The following SESN3 variants were observed in gnomAD, a reference collection of about 807,000 sequenced individuals.
SESN3 encodes sestrin 3.
Under a neutral mutation model 55.3 loss-of-function variants are expected in SESN3, and 21 were observed. That is an observed-to-expected ratio of 0.38 (90% CI 0.27 to 0.55). The LOEUF is 0.55. Among genes scored for constraint, SESN3 ranks in the 20% least tolerant of loss-of-function variants. The pLI, the probability that SESN3 is intolerant of heterozygous loss-of-function variation, is 0.76. For missense variants in SESN3, 408 were observed against 604.3 expected (o/e 0.68, Z 3.41); for synonymous variants, 181 against 203.1 (o/e 0.89, Z 0.93).
At chr11:95,212,317 T>A (rs1860671147) in intron 1 of SESN3, among the ~76,000 whole-genome samples, 5 of 152,244 alleles carry the variant, frequency 3.3e-5, no homozygotes, top group Admixed American at 2.6e-4. Flanking sequence ...ATCTTTATAA[T>A]TATTTAGAAA....
chr11:95,231,163 C>G lies in SESN3; in HGVS notation c.-303G>C, dbSNP rs946550123. 7 of 417,580 alleles carry G rather than the reference C, an allele frequency of 1.7e-5. No individual in the cohort carries two copies. The highest frequency in any genetic ancestry group is 2.9e-5 in the Non-Finnish European group (7 of 239,196). 25.9% of individuals were successfully genotyped at this position (417,580 alleles called of 1,614,324 possible). On this transcript the variant is annotated 5_prime_UTR_variant, in exon 1 of 10. Coordinates refer to ENST00000536441, the MANE Select transcript of SESN3 (RefSeq NM_144665.4). ...CCAGGCTAGGACGAGCAGCCGCCAC[C>G]GCTGCCACCGCCACCACCGCCGCCG... is the stretch of plus-strand genomic sequence containing the variant.
intron 1 of SESN3, among the ~76,000 whole-genome samples, chr11:95,198,792 G>A (rs754719428): frequency 1.3e-5 from 2 of 152,114 alleles, no homozygotes; most frequent in African/African-American, 2.4e-5. Context: ...AGGACAATGC[G>A]AATCTAGGCT....
chr11:95,205,489 T>A (rs1481870244), intron 1 of SESN3, among the ~76,000 whole-genome samples: 1 of 152,118 alleles, frequency 6.6e-6, no homozygotes, highest in Non-Finnish European at 1.5e-5. Context: ...ACTAATGGAA[T>A]ATCAGGGTAA....
rs1254668454 is a variant in SESN3 at position 95,216,113 on chromosome 11, A to AG, written c.78+14669_78+14670insC. 3.5e-3 allele frequency among the ~76,000 whole-genome samples: 531 copies of AG among 151,154 alleles called. 10 individuals are homozygous for AG. Among genetic ancestry groups the AG allele is most frequent in the Non-Finnish European group, 8.1e-4 (55 of 67,842 alleles). The stretch of plus-strand genomic sequence containing the variant: ...ACTCCATCTCAAAAAAAAAAAAGAA[A>AG]AAAAAAAAAAAAGAAATCCTTTATC... On this transcript the variant is annotated intron_variant, in intron 1 of 9. Coordinates refer to ENST00000536441, the MANE Select transcript of SESN3 (RefSeq NM_144665.4).
At chr11:95,193,679 T>C (rs547161088) in intron 1 of SESN3, among the ~76,000 whole-genome samples, 157 bp from the exon 2 acceptor site, 1 of 152,174 alleles carries the variant, frequency 6.6e-6, no homozygotes, top group African/African-American at 2.4e-5. Context: ...AGAAAACCCA[T>C]AGGGCCACTG....
chr11:95,199,006 T>C (rs1860414428), intron 1 of SESN3, among the ~76,000 whole-genome samples: 1 of 152,116 alleles, frequency 6.6e-6, no homozygotes. Context: ...CAATTAATCT[T>C]AATAACAGAA....
rs1405000211 is a variant in SESN3, at chr11:95,166,171, C to G, written c.*7084G>C. 1 of 151,728 alleles carries G rather than the reference C, an allele frequency of 6.6e-6. No homozygotes were observed. Among genetic ancestry groups the G allele is most frequent in the Non-Finnish European group, 1.5e-5 (1 of 67,970 alleles). The allele number at this position is 151,728 out of a possible 1,614,324, so 9.4% of individuals were successfully genotyped here. A position where few individuals can be genotyped will look rare whatever the true frequency, so the allele number is the denominator to read the frequency against. ...ATTATCTATTTGATAAAAGCTTATTCTAATTTAAAACCTTATAGAGTAAGA... is the reference window on the plus strand; with the variant it reads ...ATTATCTATTTGATAAAAGCTTATTGTAATTTAAAACCTTATAGAGTAAGA... On this transcript the variant is annotated 3_prime_UTR_variant, in exon 10 of 10. Transcript: ENST00000536441.
intron 1 of SESN3, among the ~76,000 whole-genome samples, chr11:95,228,953 T>C (rs773866926): frequency 1.3e-5 from 2 of 152,230 alleles, no homozygotes; most frequent in African/African-American, 2.4e-5. Flanking sequence ...TCCATAGCCA[T>C]AGCTCTCTCA....
chr11:95,213,758 G>A (rs1231459250), intron 1 of SESN3, among the ~76,000 whole-genome samples: 3 of 152,070 alleles, frequency 2.0e-5, no homozygotes, highest in African/African-American at 4.8e-5. Context: ...TTCTTTATGA[G>A]AGTAAAATTA....
At chr11:95,195,929 T>C (rs1860352709) in intron 1 of SESN3, among the ~76,000 whole-genome samples, 1 of 152,198 alleles carries the variant, frequency 6.6e-6, no homozygotes, top group Non-Finnish European at 1.5e-5. Flanking sequence ...AGCGTTTTAT[T>C]GTATGCTTCT....
At chr11:95,197,099 T>TC (rs1860375265) in intron 1 of SESN3, among the ~76,000 whole-genome samples, 1 of 152,188 alleles carries the variant, frequency 6.6e-6, no homozygotes, top group Non-Finnish European at 1.5e-5. Flanking sequence ...TTTCCTTCCT[T>TC]CTTTCTTTCT....
At chr11:95,178,623 T>C in intron 7 of SESN3, 87 bp downstream of exon 7, 2 of 807,012 alleles carry the variant, frequency 2.5e-6, no homozygotes, top group Non-Finnish European at 4.3e-6. Context: ...TATCAAAAAT[T>C]GTTTAGTGCC....
chr11:95,181,599 A>G, intron 6 of SESN3, among the ~76,000 whole-genome samples: 1 of 152,138 alleles, frequency 6.6e-6, no homozygotes, highest in East Asian at 1.9e-4. Context: ...ATTCTGTTGC[A>G]GTAATGGAAT....
At position 95,188,354 on chromosome 11, in the gene SESN3, T is replaced by C. The variant is rs188579884; in HGVS notation, c.525+1425A>G. On this transcript the variant is annotated intron_variant, in intron 4 of 9. Transcript: ENST00000536441. ...ACACAAATACAAAAATTTAGAAGAA[T>C]GAGATGAGAATATACACACATACAC... is the stretch of plus-strand genomic sequence containing the variant. 4.6e-5 allele frequency among the ~76,000 whole-genome samples: 7 copies of C among 151,912 alleles called. No individual in the cohort carries two copies. The East Asian group carries it at 1.2e-3, about 25-fold the overall frequency.
intron 1 of SESN3, chr11:95,224,375 G>T: frequency 2.6e-6 from 1 of 379,174 alleles, no homozygotes; most frequent in Non-Finnish European, 5.1e-6. Context: ...TAAGCAAAAT[G>T]ATCCTGAAAA....
chr11:95,198,739 T>C (rs1860409268), intron 1 of SESN3, among the ~76,000 whole-genome samples: 1 of 152,198 alleles, frequency 6.6e-6, no homozygotes, highest in African/African-American at 2.4e-5. Context: ...ACTAGCCACA[T>C]GTCAAGTGTT....
intron 1 of SESN3, among the ~76,000 whole-genome samples, chr11:95,204,334 T>G (rs1860509525): frequency 1.3e-5 from 2 of 152,150 alleles, no homozygotes; most frequent in African/African-American, 4.8e-5. Context: ...TACAACAAAG[T>G]TTTTGTAATT....
At chr11:95,212,158 A>G (rs1180056679) in intron 1 of SESN3, among the ~76,000 whole-genome samples, 1 of 152,154 alleles carries the variant, frequency 6.6e-6, no homozygotes, top group African/African-American at 2.4e-5. Context: ...AAACATAAGA[A>G]CAAGTATTTA....
intron 1 of SESN3, among the ~76,000 whole-genome samples, chr11:95,224,034 G>A (rs570747953): frequency 6.6e-6 from 1 of 152,298 alleles, no homozygotes; most frequent in South Asian, 2.1e-4. Context: ...AGTGAGAAGA[G>A]TGACATTTAC....
Sources: allele counts gnomAD v4.1 joint callset (sites outside exome capture counted in the v4.1 genomes callset), GRCh38; gene constraint gnomAD v4.1.1; transcripts MANE v1.5; gene names NCBI Gene and HGNC (gene_info 2026-07-23, HGNC 2026-07-21).